CCNF: variants seen among roughly 807,000 people sequenced by gnomAD.
The protein encoded by CCNF is cyclin-F.
CCNF carries 30 observed loss-of-function variants against 85.4 expected under a neutral mutation model. The ratio of observed to expected loss-of-function variants is 0.35; its 90% confidence interval spans 0.26 to 0.48. CCNF has a LOEUF of 0.48. CCNF is among the 20% of genes least tolerant of loss of function. The pLI is 0.99. For missense variants in CCNF, 919 were observed against 1,010.4 expected, an observed-to-expected ratio of 0.91 and a Z score of 1.23; for synonymous variants, 439 against 425.1, an observed-to-expected ratio of 1.03 and a Z score of -0.40.
At chr16:2,447,726 C>T (rs998995287) in intron 10 of CCNF, among the ~76,000 whole-genome samples, 2 of 151,892 alleles carry the variant, frequency 1.3e-5, no homozygotes, top group African/African-American at 2.4e-5. Context: ...ACTAATCCAG[C>T]CTGGGTGACA....
In CCNF at chr16:2,448,988, G is replaced by C. The variant is rs780598425; in HGVS notation, c.1218+10G>C. 5.0e-6 allele frequency: 8 copies of C among 1,607,242 alleles called. No homozygotes were observed. In the South Asian group the frequency reaches 6.6e-5, roughly 13 times the overall value. On this transcript the variant is annotated intron_variant, in intron 11 of 16. Coordinates refer to ENST00000397066, the MANE Select transcript of CCNF (RefSeq NM_001761.3). ...GGAAGGGAAGATTCGAGTAAGCAGC[G>C]GTTCCATTTTCCTTATTAATCTTCG...
chr16:2,457,251 A>C lies in CCNF; in HGVS notation c.*231A>C, dbSNP rs565613662. On this transcript the variant is annotated 3_prime_UTR_variant, in exon 17 of 17. Transcript: ENST00000397066. Reference sequence around the variant, plus strand: ...CTCTCTTTGGAAAGTTTAGCCTGGAAGCAGTTGGCCACACTGTGTGGAGGG... The same window carrying C: ...CTCTCTTTGGAAAGTTTAGCCTGGACGCAGTTGGCCACACTGTGTGGAGGG... The C allele has an allele frequency of 1.3e-4, 65 of 484,370 alleles. No homozygotes were observed. In the South Asian group the frequency reaches 2.0e-3, roughly 15 times the overall value. The allele number at this position is 484,370 out of a possible 1,614,324, so 30.0% of individuals were successfully genotyped here. A position where few individuals can be genotyped will look rare whatever the true frequency, so the allele number is the denominator to read the frequency against.
Position 2,451,230 on chromosome 16 carries a change from G to A in CCNF, c.1487+1315G>A, listed in dbSNP as rs2065393620. 6.6e-6 allele frequency among the ~76,000 whole-genome samples: 1 copy of A among 152,226 alleles called. No homozygotes were observed. Among genetic ancestry groups the A allele is most frequent in the South Asian group, 2.1e-4 (1 of 4,834 alleles). On this transcript the variant is annotated intron_variant, in intron 13 of 16. Coordinates refer to ENST00000397066, the MANE Select transcript of CCNF (RefSeq NM_001761.3). This position sits in a 1 kb window ranked among gnomAD's most constrained non-coding sequence, Gnocchi z 4.3. ...AGAGAAACAGCAGGCAGGCGCGCGG[G>A]GCAGGTGGCGCGGGCGGGGGCGACT...
intron 8 of CCNF, 92 bp downstream of exon 8, chr16:2,439,918 G>A (rs972246948): frequency 1.7e-5 from 18 of 1,078,362 alleles, no homozygotes; most frequent in Non-Finnish European, 2.2e-5. Context: ...TGGGGGGCAG[G>A]ACTATCTGGG....
In CCNF at chr16:2,449,102, T is replaced by C. The variant is rs1269249325; in HGVS notation, c.1218+124T>C. ...ACTCAGAGAGCAGCTGTCTCTGCTG[T>C]GCCCAAAGCCATGGAGCAGGAGGCC... is the stretch of plus-strand genomic sequence containing the variant. On this transcript the variant is annotated intron_variant, in intron 11 of 16. Coordinates refer to ENST00000397066, the MANE Select transcript of CCNF (RefSeq NM_001761.3). The C allele has an allele frequency of 4.7e-6, 7 of 1,483,620 alleles. No homozygotes were observed. In the Admixed American group the frequency reaches 6.8e-5, roughly 14 times the overall value. 91.9% of individuals were successfully genotyped at this position (1,483,620 alleles called of 1,614,324 possible). A position where few individuals can be genotyped will look rare whatever the true frequency, so the allele number is the denominator to read the frequency against.
At position 2,453,218 on chromosome 16, in the gene CCNF, A is replaced by C. The variant is rs1471808849; in HGVS notation, c.1496A>C (p.Asp499Ala). ...CGTGACTCTGTTTCCAGCTTCCATG[A>C]TGACGCCCCCAAGGACTACAGGCAA... Reference protein sequence around the residue: ...VLSLHKKCFHDDAPKDYRQVS... With the variant: ...VLSLHKKCFHADAPKDYRQVS... The change falls in exon 14 of 17, where the codon GAT (aspartate) becomes GCT (alanine). Residue 499 changes from aspartate to alanine, a missense_variant. Coordinates refer to ENST00000397066, the MANE Select transcript of CCNF (RefSeq NM_001761.3). The surrounding 1 kb of genome is among the most constrained non-coding windows in gnomAD (Gnocchi z 5.6). The C allele has an allele frequency of 6.2e-7, 1 of 1,613,686 alleles. No homozygotes were observed. Among genetic ancestry groups the C allele is most frequent in the Non-Finnish European group, 8.5e-7 (1 of 1,180,000 alleles).
intron 2 of CCNF, among the ~76,000 whole-genome samples, chr16:2,432,491 T>C (rs2065267723): frequency 6.6e-6 from 1 of 152,174 alleles, no homozygotes; most frequent in African/African-American, 2.4e-5. Flanking sequence ...CACTCCTGCG[T>C]TGGCCCAGCG....
rs1334344181 is a variant in CCNF, at chr16:2,457,598, C to G, written c.*578C>G. On this transcript the variant is annotated 3_prime_UTR_variant, in exon 17 of 17. Coordinates refer to ENST00000397066, the MANE Select transcript of CCNF (RefSeq NM_001761.3). ...CACACTGCGAGGACTGCCTTGGCCA[C>G]AGGCCCACTCCCTACGACACGTGAC... The G allele has an allele frequency of 6.5e-6, 1 of 152,840 alleles. No individual in the cohort carries two copies. Among genetic ancestry groups the G allele is most frequent in the Non-Finnish European group, 1.5e-5 (1 of 68,478 alleles). The allele number at this position is 152,840 out of a possible 1,614,324, so 9.5% of individuals were successfully genotyped here. A position where few individuals can be genotyped will look rare whatever the true frequency, so the allele number is the denominator to read the frequency against.
In CCNF at chr16:2,444,301, C is replaced by CT. The variant is rs764089161; in HGVS notation, c.929+517dup. On this transcript the variant is annotated intron_variant, in intron 9 of 16. Transcript: ENST00000397066. Reference sequence around the variant, plus strand: ...TATCCTACTCTGCTTTCTTCAGTTACTTTTTTTTTTTTTTTTGAGACGGAG... The same window carrying CT: ...TATCCTACTCTGCTTTCTTCAGTTACTTTTTTTTTTTTTTTTTGAGACGGAG... 4.4e-3 allele frequency among the ~76,000 whole-genome samples: 611 copies of CT among 139,142 alleles called. 3 individuals carry two copies. The highest frequency in any genetic ancestry group is 5.2e-3 in the Admixed American group (71 of 13,708). The allele number at this position is 139,142 out of a possible 152,430, so 91.3% of individuals were successfully genotyped here.
At position 2,456,772 on chromosome 16, in the gene CCNF, G is replaced by A. The variant is rs142923904; in HGVS notation, c.2113G>A (p.Val705Ile). 7.2e-5 allele frequency: 116 copies of A among 1,613,158 alleles called. No homozygotes were observed. Among genetic ancestry groups the A allele is most frequent in the Non-Finnish European group, 9.5e-5 (112 of 1,179,624 alleles). The change falls in exon 17 of 17, where the codon GTC becomes ATC. Residue 705 changes from valine (V) to isoleucine (I), a missense_variant. This residue lies in a region of CCNF where 505 missense variants were observed against 514.8 expected (regional missense o/e 0.98). Coordinates refer to ENST00000397066, the MANE Select transcript of CCNF (RefSeq NM_001761.3). This position sits in a 1 kb window ranked among gnomAD's most constrained non-coding sequence, Gnocchi z 4.5. ...CGTCACGACCTCAGGGTACTCCTCC[G>A]TCAGCACCGCAAGTCCCACAAGCTC... Reference protein sequence around the residue: ...KDVTTSGYSSVSTASPTSSVD... With the variant: ...KDVTTSGYSSISTASPTSSVD...
At chr16:2,443,937 T>TA in intron 9 of CCNF, 137 bp downstream of exon 9, 1 of 706,120 alleles carries the variant, frequency 1.4e-6, no homozygotes, top group Non-Finnish European at 2.2e-6. Context: ...TTTTTTTTTT[T>TA]GAAGTGGAGT....
At chr16:2,447,145 G>T (rs904148332) in intron 10 of CCNF, among the ~76,000 whole-genome samples, 1 of 152,178 alleles carries the variant, frequency 6.6e-6, no homozygotes, top group Non-Finnish European at 1.5e-5. Context: ...CAACCGGCTG[G>T]CAGTGAGAGA....
chr16:2,441,937 TTATATATA>T (rs55737759), intron 8 of CCNF, among the ~76,000 whole-genome samples: 3,480 of 59,896 alleles, frequency 0.058, 133 homozygotes, highest in African/African-American at 0.12. Flanking sequence ...TATTAGCAAA[TTATATATA>T]TATATATATA....
intron 7 of CCNF, 101 bp downstream of exon 7, chr16:2,439,558 C>T (rs1458524450): frequency 1.2e-5 from 12 of 976,372 alleles, no homozygotes; most frequent in Non-Finnish European, 1.7e-5. Context: ...GGAGGTGGCT[C>T]TTGCTGCTCC....
At chr16:2,433,589 GTTTT>G (rs1437988552) in intron 3 of CCNF, among the ~76,000 whole-genome samples, 4 of 151,992 alleles carry the variant, frequency 2.6e-5, no homozygotes, top group Admixed American at 2.0e-4. Flanking sequence ...TTTTGTTTTC[GTTTT>G]TGTTTTTTTC....
chr16:2,431,372 TG>T, intron 2 of CCNF, 88 bp downstream of exon 2: 1 of 1,467,926 alleles, frequency 6.8e-7, no homozygotes, highest in Admixed American at 2.0e-5. Flanking sequence ...AACAAAACTT[TG>T]GCTAAAAAAG....
intron 9 of CCNF, 36 bp from the exon 10 acceptor site, chr16:2,445,420 ACG>A: frequency 6.2e-7 from 1 of 1,610,098 alleles, no homozygotes; most frequent in Non-Finnish European, 8.5e-7. Context: ...CACATGGAGA[ACG>A]CCCCCACCAG....
At chr16:2,444,260 A>G (rs1307884661) in intron 9 of CCNF, among the ~76,000 whole-genome samples, 1 of 147,748 alleles carries the variant, frequency 6.8e-6, no homozygotes, top group Non-Finnish European at 1.5e-5. Flanking sequence ...GTTATCGTGG[A>G]CTTTTTGGAA....
chr16:2,445,726 GTTGTTT>G (rs2065358654), intron 10 of CCNF, 104 bp downstream of exon 10: 1 of 835,020 alleles, frequency 1.2e-6, no homozygotes, highest in Non-Finnish European at 1.7e-6. Flanking sequence ...TTTGTTTTGT[GTTGTTT>G]TTTTTTTTTT....
Sources: gnomAD v4.1 joint callset for allele counts (sites outside exome capture counted in the v4.1 genomes callset) on GRCh38, gnomAD v4.1.1 for gene constraint, gnomAD v4.1.1 regional missense constraint, Gnocchi (gnomAD v3.1) non-coding constraint, MANE v1.5 for transcripts, NCBI Gene and HGNC (gene_info 2026-07-23, HGNC 2026-07-21) for gene names.